Variants in DPP10 observed in about 807,000 individuals in gnomAD.
DPP10 encodes inactive dipeptidyl peptidase 10.
A neutral mutation model predicts 120.9 loss-of-function variants in DPP10; 33 were observed. The observed-to-expected ratio is 0.27, with a 90% CI of 0.21 to 0.37. The LOEUF is 0.37. DPP10 is among the 10% of genes least tolerant of loss of function. DPP10 has a pLI of 1.00. For missense variants in DPP10, 816 were observed against 942.8 expected, an observed-to-expected ratio of 0.87 and a Z score of 1.76; for synonymous variants, 337 against 326.1, an observed-to-expected ratio of 1.03 and a Z score of -0.36.
At chr2:115,151,042 C>A (rs377248595) in intron 1 of DPP10, among the ~76,000 whole-genome samples, 2 of 152,124 alleles carry the variant, frequency 1.3e-5, no homozygotes, top group East Asian at 1.9e-4. Flanking sequence ...CCTCAAAAAA[C>A]TCCCACGAGG....
chr2:114,532,296 T>TATATATATATATACACAC (rs1342125338), intron 1 of DPP10, among the ~76,000 whole-genome samples: 21 of 74,760 alleles, frequency 2.8e-4, no homozygotes, highest in Non-Finnish European at 4.3e-4. Flanking sequence ...TATATATATA[T>TATATATATATATACACAC]ACACACACAC....
intron 1 of DPP10, among the ~76,000 whole-genome samples, chr2:114,812,583 GACACACACACACACAC>G (rs3036385): frequency 7.4e-6 from 1 of 134,460 alleles, no homozygotes. Flanking sequence ...GTGAGACATT[GACACACACACACACAC>G]ACACACACAC....
intron 2 of DPP10, among the ~76,000 whole-genome samples, chr2:115,326,457 A>G (rs1022879277): frequency 2.0e-5 from 3 of 152,102 alleles, no homozygotes; most frequent in Admixed American, 2.0e-4. Context: ...TATTTAATAT[A>G]CTACACTTTT....
intron 5 of DPP10, among the ~76,000 whole-genome samples, chr2:115,618,110 T>G (rs939238875): frequency 1.3e-5 from 2 of 152,148 alleles, no homozygotes; most frequent in Non-Finnish European, 1.5e-5. Flanking sequence ...CTGTTGACCT[T>G]AGGTAACTGA....
At chr2:114,882,540 T>A (rs934418172) in intron 1 of DPP10, among the ~76,000 whole-genome samples, 1 of 150,964 alleles carries the variant, frequency 6.6e-6, no homozygotes, top group Non-Finnish European at 1.5e-5. Context: ...GGAGGGGAGG[T>A]GAGGGCTAAA....
intron 1 of DPP10, among the ~76,000 whole-genome samples, chr2:114,675,549 C>T (rs72955626): frequency 0.014 from 2,154 of 152,188 alleles, 57 homozygotes; most frequent in African/African-American, 0.05. Flanking sequence ...TTACATTTCA[C>T]GATAACAAAT....
chr2:114,455,732 T>TTTTA (rs1553443888), intron 1 of DPP10, among the ~76,000 whole-genome samples: 1 of 148,430 alleles, frequency 6.7e-6, no homozygotes. Context: ...TTCATTTGTT[T>TTTTA]TTTTTTTTTT....
intron 5 of DPP10, among the ~76,000 whole-genome samples, chr2:115,653,603 C>T (rs921810482): frequency 1.3e-5 from 2 of 151,972 alleles, no homozygotes; most frequent in Admixed American, 1.3e-4. Flanking sequence ...CAATCAACTT[C>T]TCATAATTTT....
intron 5 of DPP10, among the ~76,000 whole-genome samples, chr2:115,556,597 CTG>C (rs1456352939): frequency 1.3e-5 from 2 of 152,064 alleles, no homozygotes; most frequent in African/African-American, 4.8e-5. Flanking sequence ...TAGATTTTCT[CTG>C]TGCTTAGCAA....
chr2:114,479,411 G>GAAAA (rs57691260), intron 1 of DPP10, among the ~76,000 whole-genome samples: 5 of 150,074 alleles, frequency 3.3e-5, no homozygotes, highest in African/African-American at 1.2e-4. Context: ...ATGAAAAAAT[G>GAAAA]AAAAAAAAAC....
chr2:114,874,769 T>G (rs552774617), intron 1 of DPP10, among the ~76,000 whole-genome samples: 1 of 152,202 alleles, frequency 6.6e-6, no homozygotes, highest in African/African-American at 2.4e-5. Flanking sequence ...ACTGCTGGTA[T>G]AGATTATATT....
intron 1 of DPP10, among the ~76,000 whole-genome samples, chr2:114,572,849 G>T (rs1040950851): frequency 6.6e-6 from 1 of 152,202 alleles, no homozygotes; most frequent in Non-Finnish European, 1.5e-5. Context: ...TCATATCACA[G>T]CTTTTAGAAG....
intron 1 of DPP10, among the ~76,000 whole-genome samples, chr2:115,286,513 A>AAT (rs70941041): frequency 0.24 from 9,128 of 38,494 alleles, 1,329 homozygotes; most frequent in Middle Eastern, 0.29. Flanking sequence ...TTACATATAT[A>AAT]ATATATATAT....
At chr2:115,525,856 A>G (rs2078101307) in intron 4 of DPP10, 42 bp from the exon 5 acceptor site, 1 of 1,458,188 alleles carries the variant, frequency 6.9e-7, no homozygotes, top group Non-Finnish European at 9.3e-7. Flanking sequence ...AATTCATGTT[A>G]AGAAGTTTTT....
intron 5 of DPP10, among the ~76,000 whole-genome samples, chr2:115,555,374 C>T (rs968202961): frequency 7.2e-5 from 11 of 151,882 alleles, no homozygotes; most frequent in African/African-American, 1.9e-4. Context: ...AAAAACCTAA[C>T]GGAGTTATTA....
intron 1 of DPP10, among the ~76,000 whole-genome samples, chr2:114,896,947 C>T (rs1024927227): frequency 3.3e-5 from 5 of 152,106 alleles, no homozygotes; most frequent in Admixed American, 6.5e-5. Context: ...TAGCATGAAG[C>T]GTTGTTGAAT....
Position 115,792,830 on chromosome 2 carries a change from C to T in DPP10, c.1700+1474C>T, listed in dbSNP as rs116994139. 4.6e-5 allele frequency among the ~76,000 whole-genome samples: 7 copies of T among 152,284 alleles called. No individual in the cohort carries two copies. In the South Asian group the frequency reaches 8.3e-4, roughly 18 times the overall value. On this transcript the variant is annotated intron_variant, in intron 19 of 25. Transcript: ENST00000410059. Reference sequence around the variant, plus strand: ...AAAATAAACTTTCTCAAGGAAGGGACATCCCTCAGGCACATCCTAGGCATC... The same window carrying T: ...AAAATAAACTTTCTCAAGGAAGGGATATCCCTCAGGCACATCCTAGGCATC...
chr2:115,568,030 T>G (rs2081108421), intron 5 of DPP10, among the ~76,000 whole-genome samples: 1 of 151,468 alleles, frequency 6.6e-6, no homozygotes, highest in African/African-American at 2.4e-5. Context: ...ACAAAAAAAT[T>G]AGCCAGGCAT....
intron 1 of DPP10, among the ~76,000 whole-genome samples, chr2:115,075,102 G>C (rs1707678480): frequency 6.6e-6 from 1 of 152,178 alleles, no homozygotes; most frequent in Non-Finnish European, 1.5e-5. Flanking sequence ...AGCCATGAGT[G>C]TGGGAGGTCA....
Sources: allele counts gnomAD v4.1 joint callset (sites outside exome capture counted in the v4.1 genomes callset), GRCh38; gene constraint gnomAD v4.1.1; transcripts MANE v1.5; gene names NCBI Gene and HGNC (gene_info 2026-07-23, HGNC 2026-07-21).